ACBD6: variants seen among roughly 807,000 people sequenced by gnomAD.
ACBD6 encodes acyl-CoA-binding domain-containing protein 6.
Under a neutral mutation model 37.2 loss-of-function variants are expected in ACBD6, and 28 were observed. The observed-to-expected ratio is 0.75, with a 90% CI of 0.56 to 1.03. ACBD6 has a LOEUF of 1.03. Ranked by LOEUF, ACBD6 falls within the 50% of genes least tolerant of loss-of-function variation. The pLI is 0.00. For synonymous variants in ACBD6, 113 were observed against 126.8 expected, an observed-to-expected ratio of 0.89 and a Z score of 0.73; for missense variants, 340 against 337.4, an observed-to-expected ratio of 1.01 and a Z score of -0.06.
intron 3 of ACBD6, among the ~76,000 whole-genome samples, chr1:180,473,095 T>C (rs1166749577): frequency 6.6e-6 from 1 of 152,198 alleles, no homozygotes; most frequent in Non-Finnish European, 1.5e-5. Context: ...GTAAAAATGA[T>C]TTAATCAGCT....
intron 5 of ACBD6, among the ~76,000 whole-genome samples, 175 bp from the exon 6 acceptor site, chr1:180,397,780 T>C (rs1654317627): frequency 6.6e-6 from 1 of 152,120 alleles, no homozygotes; most frequent in Non-Finnish European, 1.5e-5. Flanking sequence ...GGGCAGGGCA[T>C]GGTGGCTCAT....
intron 3 of ACBD6, among the ~76,000 whole-genome samples, chr1:180,480,556 T>C (rs1008314639): frequency 6.6e-6 from 1 of 152,232 alleles, no homozygotes; most frequent in Non-Finnish European, 1.5e-5. Context: ...AGTTCTATTT[T>C]AGACCTGTTG....
intron 1 of ACBD6, among the ~76,000 whole-genome samples, chr1:180,498,855 CAA>C (rs112571743): frequency 3.1e-4 from 35 of 114,536 alleles, no homozygotes; most frequent in Admixed American, 4.6e-4. Flanking sequence ...AAAACTGTCT[CAA>C]AAAAAAAAAA....
At chr1:180,382,458 A>C (rs1420313675) in intron 6 of ACBD6, among the ~76,000 whole-genome samples, 5 of 152,188 alleles carry the variant, frequency 3.3e-5, no homozygotes, top group African/African-American at 1.2e-4. Flanking sequence ...AACCTAGAGA[A>C]AATGGGTAAC....
intron 3 of ACBD6, among the ~76,000 whole-genome samples, chr1:180,452,311 A>G (rs1649739375): frequency 6.6e-6 from 1 of 151,988 alleles, no homozygotes; most frequent in South Asian, 2.1e-4. Context: ...CTCTACTAAA[A>G]ATACAAAAAT....
At chr1:180,423,085 G>GA (rs1010861029) in intron 4 of ACBD6, among the ~76,000 whole-genome samples, 12 of 151,932 alleles carry the variant, frequency 7.9e-5, no homozygotes, top group African/African-American at 2.7e-4. Context: ...GGTAGTAAAT[G>GA]AAAAAATGGA....
chr1:180,328,779 G>A (rs1435274077), intron 6 of ACBD6, among the ~76,000 whole-genome samples: 2 of 151,996 alleles, frequency 1.3e-5, no homozygotes, highest in African/African-American at 4.8e-5. Context: ...TGAGATCTGT[G>A]ACTCTATAAT....
intron 6 of ACBD6, among the ~76,000 whole-genome samples, chr1:180,364,461 C>T (rs940616253): frequency 2.6e-5 from 4 of 152,180 alleles, no homozygotes; most frequent in African/African-American, 4.8e-5. Context: ...AATAACAGAA[C>T]GGTTGACACC....
rs547540855 is a variant in ACBD6, at chr1:180,431,603, G to A, written c.385-1341C>T. On this transcript the variant is annotated intron_variant, in intron 3 of 7. Transcript: ENST00000367595. The stretch of plus-strand genomic sequence containing the variant: ...TGACTTATAATAGATTTACCAGTAT[G>A]TATCCTCATTATAAGCTGAGGAACG... 3.1e-4 allele frequency among the ~76,000 whole-genome samples: 47 copies of A among 152,270 alleles called. No individual in the cohort carries two copies. The South Asian group carries it at 6.6e-3, about 22-fold the overall frequency.
chr1:180,441,224 A>C lies in ACBD6; in HGVS notation c.385-10962T>G, dbSNP rs544107266. On this transcript the variant is annotated intron_variant, in intron 3 of 7. Coordinates refer to ENST00000367595, the MANE Select transcript of ACBD6 (RefSeq NM_032360.4). ...CTTGTTATTATCTTTTTTATTGCGG[A>C]CACCCTACTGGGTATGAAGTGGCCC... Among the ~76,000 whole-genome samples, 15 of 152,308 alleles carry C rather than the reference A, an allele frequency of 9.8e-5. No homozygotes were observed. In the South Asian group the frequency reaches 1.9e-3, roughly 19 times the overall value.
chr1:180,442,219 C>T (rs1649307820), intron 3 of ACBD6, among the ~76,000 whole-genome samples: 1 of 151,804 alleles, frequency 6.6e-6, no homozygotes, highest in African/African-American at 2.4e-5. Flanking sequence ...GGTTTCATTA[C>T]ATTTCTTCCG....
intron 9 of ACBD6, chr1:180,276,351 A>T (rs139984588): frequency 9.4e-5 from 11 of 117,170 alleles, no homozygotes; most frequent in African/African-American, 3.1e-4. Context: ...TCAATTAAGT[A>T]AGTTCTTTAA....
chr1:180,400,470 T>A (rs867409473), intron 5 of ACBD6, among the ~76,000 whole-genome samples: 3 of 152,148 alleles, frequency 2.0e-5, no homozygotes, highest in Non-Finnish European at 2.9e-5. Flanking sequence ...GATATCTACA[T>A]TAAGACCACC....
Position 180,450,042 on chromosome 1 carries a change from G to A in ACBD6, c.385-19780C>T, listed in dbSNP as rs369523053. ...AAAATCTTCAATGTGGGAATAAGAT[G>A]TTGAATAAAATAAAATGAAATTTAA... On this transcript the variant is annotated intron_variant, in intron 3 of 7. Coordinates refer to ENST00000367595, the MANE Select transcript of ACBD6 (RefSeq NM_032360.4). 6.6e-5 allele frequency among the ~76,000 whole-genome samples: 10 copies of A among 150,400 alleles called. No individual in the cohort carries two copies. The East Asian group carries it at 1.4e-3, about 21-fold the overall frequency.
rs186902172 is a variant in ACBD6, at chr1:180,453,910, A to G, written c.385-23648T>C. ...TAAGAGAGGACATAAACAAATGGAAAAACATTCCATGCACGTGGATAGGAA... is the reference window on the plus strand; with the variant it reads ...TAAGAGAGGACATAAACAAATGGAAGAACATTCCATGCACGTGGATAGGAA... On this transcript the variant is annotated intron_variant, in intron 3 of 7. Coordinates refer to ENST00000367595, the MANE Select transcript of ACBD6 (RefSeq NM_032360.4). Among the ~76,000 whole-genome samples, 36 of 152,356 alleles carry G rather than the reference A, an allele frequency of 2.4e-4. 1 individual carries two copies. The highest frequency in any genetic ancestry group is 1.5e-3 in the Admixed American group (23 of 15,306).
chr1:180,423,828 G>A (rs540398897), intron 4 of ACBD6, among the ~76,000 whole-genome samples: 6 of 152,172 alleles, frequency 3.9e-5, no homozygotes, highest in African/African-American at 1.2e-4. Context: ...ATCAGTTGCC[G>A]TATCAGAAAA....
rs540571758 is a variant in ACBD6 at position 180,311,199 on chromosome 1, C to T, written c.694+3493G>A. On this transcript the variant is annotated intron_variant, in intron 7 of 7. Transcript: ENST00000367595. ...ATTAGGATTCCTAAGCCATGACACA[C>T]GGTGTGTGTAGTATCTACGTGGGCC... 4.4e-4 allele frequency among the ~76,000 whole-genome samples: 67 copies of T among 152,272 alleles called. 1 individual carries two copies. The Middle Eastern group carries it at 0.01, about 23-fold the overall frequency.
intron 6 of ACBD6, among the ~76,000 whole-genome samples, chr1:180,349,304 G>A (rs983685437): frequency 2.7e-5 from 4 of 150,804 alleles, no homozygotes; most frequent in African/African-American, 9.7e-5. Flanking sequence ...CTGTCGCCCA[G>A]GCTGGCTCGC....
intron 7 of ACBD6, among the ~76,000 whole-genome samples, chr1:180,302,523 A>G (rs1236348387): frequency 1.3e-5 from 2 of 152,064 alleles, no homozygotes; most frequent in Non-Finnish European, 2.9e-5. Context: ...GTTTTATCAG[A>G]GACTAGGATT....
Sources: allele counts gnomAD v4.1 joint callset (sites outside exome capture counted in the v4.1 genomes callset), GRCh38; gene constraint gnomAD v4.1.1; transcripts MANE v1.5; gene names NCBI Gene and HGNC (gene_info 2026-07-23, HGNC 2026-07-21).